Variants in STRN observed in about 807,000 individuals in gnomAD.
STRN encodes protein phosphatase 2 regulatory subunit B'''alpha.
A neutral mutation model predicts 96.3 loss-of-function variants in STRN; 53 were observed. That is an observed-to-expected ratio of 0.55 (90% CI 0.44 to 0.69). STRN has a LOEUF of 0.69. Among genes scored for constraint, STRN ranks in the 30% least tolerant of loss-of-function variants. The probability of loss-of-function intolerance (pLI) is 0.00; values close to 1 mark genes in which losing one functional copy is unlikely to be tolerated. For missense variants in STRN, 987 were observed against 963.9 expected (o/e 1.02, Z -0.32); for synonymous variants, 428 against 355.9 (o/e 1.20, Z -2.28).
intron 1 of STRN, among the ~76,000 whole-genome samples, chr2:36,937,980 T>C (rs959717554): frequency 1.3e-5 from 2 of 152,158 alleles, no homozygotes; most frequent in Non-Finnish European, 2.9e-5. Context: ...GCAAATAGGC[T>C]ATGATCACAT....
At chr2:36,925,335 A>G in intron 1 of STRN, 127 bp from the exon 2 acceptor site, 1 of 645,420 alleles carries the variant, frequency 1.5e-6, no homozygotes, top group East Asian at 2.8e-5. Context: ...ATTTCTCACA[A>G]AGTATGTACA....
chr2:36,858,361 G>A (rs1427722135), intron 13 of STRN, among the ~76,000 whole-genome samples: 1 of 152,082 alleles, frequency 6.6e-6, no homozygotes, highest in Non-Finnish European at 1.5e-5. Flanking sequence ...CATCTTTGGA[G>A]AAACCACAAC....
intron 1 of STRN, among the ~76,000 whole-genome samples, chr2:36,961,802 T>C (rs533331610): frequency 6.6e-6 from 1 of 152,302 alleles, no homozygotes; most frequent in South Asian, 2.1e-4. Flanking sequence ...CTGACATGAC[T>C]TCTTCCATTA....
At chr2:36,965,194 C>G (rs1232891853) in intron 1 of STRN, among the ~76,000 whole-genome samples, 1 of 152,070 alleles carries the variant, frequency 6.6e-6, no homozygotes, top group Non-Finnish European at 1.5e-5. Context: ...GTTTTGCCAA[C>G]TAAAACTATA....
At chr2:36,894,757 G>C (rs1352969773) in intron 6 of STRN, among the ~76,000 whole-genome samples, 1 of 152,230 alleles carries the variant, frequency 6.6e-6, no homozygotes, top group African/African-American at 2.4e-5. Context: ...GCTATTGTGA[G>C]TGGCTTAAAA....
At chr2:36,966,179 G>A (rs1157899112) in intron 1 of STRN, 51 bp downstream of exon 1, 4 of 1,457,416 alleles carry the variant, frequency 2.7e-6, no homozygotes, top group Non-Finnish European at 3.6e-6. Context: ...GGGCGGGGCG[G>A]AAGGGAGCAA....
intron 1 of STRN, among the ~76,000 whole-genome samples, chr2:36,953,006 C>T (rs1664798712): frequency 6.6e-6 from 1 of 152,220 alleles, no homozygotes; most frequent in African/African-American, 2.4e-5. Context: ...ACTGGCATCA[C>T]CGTTGTGGAA....
At position 36,877,976 on chromosome 2, in the gene STRN, G is replaced by C. The variant is rs573694681; in HGVS notation, c.1238C>G (p.Ala413Gly). ...CAGTTCACTTTCAAGGGCTTCATCT[G>C]CTCCCATGATGAATGACTTTCCAGA... ...PSSGKSFIMG[A>G]DEALESELGL... is the part of the protein sequence containing the mutation. Residue 413 changes from alanine to glycine, a missense_variant, in exon 10 of 18, where the codon GCA (alanine) becomes GGA (glycine). Coordinates refer to ENST00000263918, the MANE Select transcript of STRN (RefSeq NM_003162.4). The C allele has an allele frequency of 6.2e-7, 1 of 1,614,028 alleles. No homozygotes were observed. The highest frequency in any genetic ancestry group is 1.7e-5 in the Admixed American group (1 of 60,028).
At chr2:36,914,097 C>G (rs1397520520) in intron 3 of STRN, among the ~76,000 whole-genome samples, 1 of 152,072 alleles carries the variant, frequency 6.6e-6, no homozygotes, top group Non-Finnish European at 1.5e-5. Context: ...CCAAGTGATC[C>G]TTTCACCTCA....
chr2:36,877,598 C>T (rs568454268), intron 10 of STRN, among the ~76,000 whole-genome samples: 7 of 152,148 alleles, frequency 4.6e-5, no homozygotes, highest in South Asian at 2.1e-4. Context: ...TGCAGTGGTG[C>T]GATGTTGGCT....
chr2:36,939,819 T>C (rs1203656726), intron 1 of STRN, among the ~76,000 whole-genome samples: 1 of 152,172 alleles, frequency 6.6e-6, no homozygotes, highest in Non-Finnish European at 1.5e-5. Context: ...TTCAAAATAG[T>C]GTAACAACTA....
At chr2:36,862,137 T>C (rs189189218) in intron 12 of STRN, among the ~76,000 whole-genome samples, 1 of 152,362 alleles carries the variant, frequency 6.6e-6, no homozygotes, top group South Asian at 2.1e-4. Flanking sequence ...ACGGTGTCTA[T>C]GTACCACATT....
In STRN at chr2:36,875,472, T is replaced by C. The variant is rs955462650; in HGVS notation, c.1323+2419A>G. 3.1e-5 allele frequency among the ~76,000 whole-genome samples: 4 copies of C among 127,364 alleles called. No homozygotes were observed. In the South Asian group the frequency reaches 9.7e-4, roughly 31 times the overall value. 83.6% of individuals were successfully genotyped at this position (127,364 alleles called of 152,430 possible). A position where few individuals can be genotyped will look rare whatever the true frequency, so the allele number is the denominator to read the frequency against. On this transcript the variant is annotated intron_variant, in intron 10 of 17. Transcript: ENST00000263918. ...AGTGAGCTGTGATCACACTACTGCA[T>C]TCCATCCTGGGCAGCAGAGTGAGAC...
In STRN at chr2:36,839,587, C is replaced by A. The variant is rs1667898497; in HGVS notation, c.*9869G>T. ...CTCAAATCAACCTAATTAGGCAGAT[C>A]TATTATCCCCATTTCATAGATGAGA... On this transcript the variant is annotated 3_prime_UTR_variant, in exon 18 of 18. Transcript: ENST00000263918. Among the ~76,000 whole-genome samples the A allele has an allele frequency of 1.3e-5, 2 of 152,110 alleles. No homozygotes were observed. Among genetic ancestry groups the A allele is most frequent in the Non-Finnish European group, 2.9e-5 (2 of 68,026 alleles).
intron 10 of STRN, among the ~76,000 whole-genome samples, chr2:36,874,717 TAAAAAAAAAA>T (rs35268065): frequency 2.3e-5 from 2 of 86,276 alleles, no homozygotes; most frequent in African/African-American, 9.6e-5. Flanking sequence ...TGTTTAGAGT[TAAAAAAAAAA>T]AAAAAAAAAA....
At chr2:36,909,599 G>A (rs1418898772) in intron 3 of STRN, among the ~76,000 whole-genome samples, 2 of 151,980 alleles carry the variant, frequency 1.3e-5, no homozygotes, top group Non-Finnish European at 1.5e-5. Flanking sequence ...ATAGCACAGG[G>A]AGGAACAAAA....
At chr2:36,898,408 T>C (rs566790482) in intron 6 of STRN, among the ~76,000 whole-genome samples, 6 of 152,330 alleles carry the variant, frequency 3.9e-5, no homozygotes, top group African/African-American at 1.4e-4. Flanking sequence ...TTTCAAATAA[T>C]TTCCAAGGCA....
In STRN at chr2:36,840,964, T is replaced by G. The variant is rs779360365; in HGVS notation, c.*8492A>C. On this transcript the variant is annotated 3_prime_UTR_variant, in exon 18 of 18. Coordinates refer to ENST00000263918, the MANE Select transcript of STRN (RefSeq NM_003162.4). Reference sequence around the variant, plus strand: ...AAAATCACAGGAAAGAAAACTTTTGTGTATTTATTAGCAGAGGCAAGCTAT... The same window carrying G: ...AAAATCACAGGAAAGAAAACTTTTGGGTATTTATTAGCAGAGGCAAGCTAT... The G allele has an allele frequency of 6.6e-6, 1 of 152,310 alleles. No homozygotes were observed. The highest frequency in any genetic ancestry group is 1.9e-4 in the East Asian group (1 of 5,176). 9.4% of individuals were successfully genotyped at this position (152,310 alleles called of 1,614,324 possible).
chr2:36,920,972 G>T (rs1308058130), intron 2 of STRN, among the ~76,000 whole-genome samples: 1 of 151,886 alleles, frequency 6.6e-6, no homozygotes, highest in African/African-American at 2.4e-5. Context: ...CTACTCAGGA[G>T]ACTGAGGCAA....
Sources: allele counts gnomAD v4.1 joint callset (sites outside exome capture counted in the v4.1 genomes callset), GRCh38; gene constraint gnomAD v4.1.1; transcripts MANE v1.5; gene names NCBI Gene and HGNC (gene_info 2026-07-23, HGNC 2026-07-21).